Variants in SMYD3 observed in about 807,000 individuals in gnomAD.
The protein encoded by SMYD3 is SET and MYND domain containing 3, also known as histone-lysine N-methyltransferase SMYD3.
In SMYD3, 36 loss-of-function variants were observed where a neutral mutation model predicts 57.7. The ratio of observed to expected loss-of-function variants is 0.62; its 90% CI spans 0.48 to 0.82. The LOEUF (loss-of-function observed/expected upper bound fraction) is 0.82. SMYD3 is among the 40% of genes least tolerant of loss of function. The pLI, the probability that SMYD3 is intolerant of heterozygous loss-of-function variation, is 0.00. For synonymous variants in SMYD3, 211 were observed against 195.0 expected (o/e 1.08, Z -0.68); for missense variants, 515 against 538.8 (o/e 0.96, Z 0.44).
intron 5 of SMYD3, among the ~76,000 whole-genome samples, chr1:246,039,046 A>C (rs2059825096): frequency 6.6e-6 from 1 of 152,236 alleles, no homozygotes; most frequent in South Asian, 2.1e-4. Context: ...TTAAAGTCAC[A>C]ATTTCCTTTC....
intron 5 of SMYD3, among the ~76,000 whole-genome samples, chr1:246,272,773 T>C (rs1031357447): frequency 2.7e-4 from 41 of 152,224 alleles, no homozygotes; most frequent in African/African-American, 9.9e-4. Context: ...TGTCTGGCTT[T>C]GGTAACAGGG....
chr1:245,971,162 C>G (rs763189737), intron 5 of SMYD3, among the ~76,000 whole-genome samples: 7 of 152,150 alleles, frequency 4.6e-5, no homozygotes, highest in Non-Finnish European at 8.8e-5. Flanking sequence ...ATGGATGAAG[C>G]TGGAAACCAT....
intron 5 of SMYD3, among the ~76,000 whole-genome samples, chr1:246,045,951 C>T (rs12065362): frequency 0.46 from 70,077 of 151,496 alleles, 17,604 homozygotes; most frequent in East Asian, 0.8. Flanking sequence ...GTTAGAATGG[C>T]GATCATTAAA....
chr1:245,881,581 TTATTAGGCACTG>T (rs1212312352), intron 8 of SMYD3, among the ~76,000 whole-genome samples: 2 of 152,202 alleles, frequency 1.3e-5, no homozygotes, highest in African/African-American at 4.8e-5. Context: ...CAACACAAAT[TTATTAGGCACTG>T]TATTGGGCAC....
At position 245,749,363 on chromosome 1, in the gene SMYD3, T is replaced by G. The variant is rs1286306118; in HGVS notation, c.*200A>C. On this transcript the variant is annotated 3_prime_UTR_variant, in exon 12 of 12. Coordinates refer to ENST00000490107, the MANE Select transcript of SMYD3 (RefSeq NM_001167740.2). ...CAGATGGCATCCTCAACCAAATGTT[T>G]TGAATTTATTATAATCGTGCTTCTC... The G allele has an allele frequency of 2.0e-6, 1 of 497,394 alleles. No individual in the cohort carries two copies. Among genetic ancestry groups the G allele is most frequent in the Admixed American group, 3.8e-5 (1 of 26,394 alleles). The allele number at this position is 497,394 out of a possible 1,614,324, so 30.8% of individuals were successfully genotyped here. A position where few individuals can be genotyped will look rare whatever the true frequency, so the allele number is the denominator to read the frequency against.
intron 10 of SMYD3, among the ~76,000 whole-genome samples, chr1:245,841,598 CA>C: frequency 6.6e-6 from 1 of 152,148 alleles, no homozygotes; most frequent in South Asian, 2.1e-4. Flanking sequence ...AAACTATTTA[CA>C]AATTGGTGAA....
chr1:245,917,005 T>C (rs1421066914), intron 7 of SMYD3, among the ~76,000 whole-genome samples: 2 of 147,972 alleles, frequency 1.4e-5, no homozygotes, highest in Non-Finnish European at 3.0e-5. Flanking sequence ...GGTAATTTTA[T>C]GTGACTCTAA....
At chr1:246,032,633 C>T (rs1194864548) in intron 5 of SMYD3, among the ~76,000 whole-genome samples, 5 of 152,166 alleles carry the variant, frequency 3.3e-5, no homozygotes, top group Admixed American at 1.3e-4. Context: ...CTACCATGAA[C>T]TTTGGTGTCT....
At chr1:245,763,337 G>C (rs970016895) in intron 11 of SMYD3, among the ~76,000 whole-genome samples, 1 of 152,140 alleles carries the variant, frequency 6.6e-6, no homozygotes, top group Admixed American at 6.5e-5. Flanking sequence ...GTGGTCATCG[G>C]GTATGCCTAC....
chr1:246,167,512 CT>C (rs199801290), intron 5 of SMYD3, among the ~76,000 whole-genome samples: 3,262 of 137,642 alleles, frequency 0.024, 116 homozygotes, highest in East Asian at 0.21. Flanking sequence ...GTTTTTTTTT[CT>C]TTTTTTTTTT....
intron 9 of SMYD3, 85 bp downstream of exon 9, chr1:245,863,714 C>G: frequency 7.9e-7 from 1 of 1,268,808 alleles, no homozygotes; most frequent in Admixed American, 1.8e-5. Flanking sequence ...GGTCAAACCC[C>G]GCCTCTGACC....
intron 5 of SMYD3, among the ~76,000 whole-genome samples, chr1:246,147,305 G>A (rs1246678404): frequency 6.6e-6 from 1 of 152,162 alleles, no homozygotes; most frequent in Non-Finnish European, 1.5e-5. Context: ...ACACCTCCGG[G>A]GAGTCATGTC....
chr1:245,870,801 C>A (rs1221261955), intron 8 of SMYD3, among the ~76,000 whole-genome samples: 1 of 148,982 alleles, frequency 6.7e-6, no homozygotes, highest in Admixed American at 6.8e-5. Flanking sequence ...TGAGTATAAA[C>A]TTGAGAAAGT....
intron 5 of SMYD3, among the ~76,000 whole-genome samples, chr1:246,041,387 A>C (rs924665415): frequency 2.0e-5 from 3 of 152,202 alleles, no homozygotes; most frequent in African/African-American, 7.2e-5. Flanking sequence ...CGGACTTCAA[A>C]ATAAAAATAC....
chr1:246,235,087 C>G (rs1441317924), intron 5 of SMYD3, among the ~76,000 whole-genome samples: 1 of 152,110 alleles, frequency 6.6e-6, no homozygotes, highest in Non-Finnish European at 1.5e-5. Flanking sequence ...ACTAGGAGGT[C>G]CTTTGAGCTA....
rs758183817 is a variant in SMYD3, at chr1:246,335,354, G to A, written c.336+13C>T. On this transcript the variant is annotated intron_variant, in intron 3 of 11. Transcript: ENST00000490107. ...ACCAAAACCCAGCTATATTTCATGA[G>A]TTTTATACTCACAAGTTTGAAGACA... 7.5e-6 allele frequency: 12 copies of A among 1,610,684 alleles called. No individual in the cohort carries two copies. The African/African-American group carries it at 1.6e-4, about 22-fold the overall frequency.
At chr1:245,837,249 AAAGAAG>A (rs540616892) in intron 10 of SMYD3, among the ~76,000 whole-genome samples, 8 of 151,342 alleles carry the variant, frequency 5.3e-5, no homozygotes, top group African/African-American at 1.7e-4. Context: ...AAAAAAAAAA[AAAGAAG>A]AAGAAGAAGA....
chr1:245,983,565 C>G (rs1208323246), intron 5 of SMYD3, among the ~76,000 whole-genome samples: 1 of 152,220 alleles, frequency 6.6e-6, no homozygotes, highest in South Asian at 2.1e-4. Flanking sequence ...TTGTTCATTT[C>G]AAACCTCCTG....
Position 246,355,193 on chromosome 1 carries a change from G to T in SMYD3, c.165-99C>A. ...TAAGTCAACATACGGACACCCGTAT[G>T]TTCTGTTTACTCCATTATGTACAGT... is the stretch of plus-strand genomic sequence containing the variant. On this transcript the variant is annotated intron_variant, in intron 1 of 11. Transcript: ENST00000490107. This position sits in a 1 kb window ranked among gnomAD's most constrained non-coding sequence, Gnocchi z 5.0. 1 of 1,191,540 alleles carries T rather than the reference G, an allele frequency of 8.4e-7. No individual in the cohort carries two copies. Among genetic ancestry groups the T allele is most frequent in the Non-Finnish European group, 1.2e-6 (1 of 808,774 alleles). 73.8% of individuals were successfully genotyped at this position (1,191,540 alleles called of 1,614,324 possible).
Sources: allele counts gnomAD v4.1 joint callset (sites outside exome capture counted in the v4.1 genomes callset), GRCh38; gene constraint gnomAD v4.1.1; non-coding constraint Gnocchi (gnomAD v3.1); transcripts MANE v1.5; gene names NCBI Gene and HGNC (gene_info 2026-07-23, HGNC 2026-07-21).